Variants in UBR4 observed in about 807,000 individuals in gnomAD.
UBR4 encodes the protein ubiquitin protein ligase E3 component n-recognin 4.
A neutral mutation model predicts 575.6 loss-of-function variants in UBR4; 124 were observed. The ratio of observed to expected loss-of-function variants is 0.22; its 90% CI spans 0.19 to 0.25. The LOEUF (loss-of-function observed/expected upper bound fraction) is 0.25. Among genes scored for constraint, UBR4 ranks in the 10% least tolerant of loss-of-function variants. The pLI, the probability that UBR4 is intolerant of heterozygous loss-of-function variation, is 1.00. For missense variants in UBR4, 4,818 were observed against 6,478.8 expected (o/e 0.74, Z 8.80); for synonymous variants, 2,455 against 2,473.7 (o/e 0.99, Z 0.22).
intron 71 of UBR4, chr1:19,118,456 G>A (rs1570697469): frequency 7.4e-6 from 1 of 134,636 alleles, no homozygotes; most frequent in Admixed American, 9.0e-5. Flanking sequence ...GTCTCACTCT[G>A]TCACCCAGGC....
intron 31 of UBR4, 61 bp from the exon 32 acceptor site, chr1:19,165,058 G>T (rs1220684190): frequency 1.3e-6 from 2 of 1,588,762 alleles, no homozygotes; most frequent in Non-Finnish European, 1.7e-6. Context: ...GAAAGAAGGG[G>T]CAAACTGTTG....
intron 49 of UBR4, among the ~76,000 whole-genome samples, chr1:19,150,000 T>C (rs1159674606): frequency 6.6e-6 from 1 of 152,022 alleles, no homozygotes; most frequent in African/African-American, 2.4e-5. Flanking sequence ...ACTCAAAATC[T>C]TACATCATGA....
intron 22 of UBR4, 118 bp downstream of exon 22, chr1:19,174,201 C>CAA: frequency 7.8e-7 from 1 of 1,278,252 alleles, no homozygotes; most frequent in Non-Finnish European, 1.1e-6. Flanking sequence ...ACTCAAGTAT[C>CAA]AGTCAGTTTT....
chr1:19,086,154 C>T lies in UBR4; in HGVS notation c.14804G>A (p.Cys4935Tyr), dbSNP rs200556821. The T allele has an allele frequency of 6.2e-7, 1 of 1,613,930 alleles. No homozygotes were observed. Among genetic ancestry groups the T allele is most frequent in the Non-Finnish European group, 8.5e-7 (1 of 1,179,978 alleles). ...AATACTCAACACTCACCTTGCCAAG[C>T]AAGTGGCAAAAGCTGATTCAGGGAC... ...PHVPESAFAT[C>Y]LARHNTYLQE... is the part of the protein sequence containing the mutation. The change falls in exon 101 of 106, where the codon TGC (cysteine) becomes TAC (tyrosine). Residue 4935 changes from cysteine to tyrosine, a missense_variant. Cys to Tyr is a radical substitution (Grantham distance 194). Coordinates refer to ENST00000375254, the MANE Select transcript of UBR4 (RefSeq NM_020765.3).
rs1298082724 is a variant in UBR4 at position 19,087,873 on chromosome 1, C to G, written c.14487G>C (p.Glu4829Asp). ...ACGTGAGGCCAGGCTCCTCGATCAG[C>G]TCTTCCATCTGCTTCAGGAGTGCTG... ...TKTALLKQME[E>D]LIEEPGLTCC... Residue 4829 changes from glutamate (E) to aspartate (D), a missense_variant, in exon 99 of 106, where the codon GAG becomes GAC. Glu to Asp is a conservative substitution (Grantham distance 45). Coordinates refer to ENST00000375254, the MANE Select transcript of UBR4 (RefSeq NM_020765.3). The G allele has an allele frequency of 6.2e-7, 1 of 1,611,372 alleles. No homozygotes were observed. The highest frequency in any genetic ancestry group is 8.5e-7 in the Non-Finnish European group (1 of 1,178,596).
chr1:19,139,377 A>G lies in UBR4; in HGVS notation c.8594-157T>C, dbSNP rs1481598714. The stretch of plus-strand genomic sequence containing the variant: ...TATCCTGTCGTCAAAGAAAAAAGGG[A>G]GAGATTTGCTTTGCTGGTTAATCAC... On this transcript the variant is annotated intron_variant, in intron 58 of 105. Transcript: ENST00000375254. This position sits in a 1 kb window ranked among gnomAD's most constrained non-coding sequence, Gnocchi z 4.2. Among the ~76,000 whole-genome samples, 2 of 152,224 alleles carry G rather than the reference A, an allele frequency of 1.3e-5. No homozygotes were observed. The highest frequency in any genetic ancestry group is 2.9e-5 in the Non-Finnish European group (2 of 68,038).
chr1:19,116,573 T>C (rs1346973903), intron 73 of UBR4, among the ~76,000 whole-genome samples: 1 of 152,244 alleles, frequency 6.6e-6, no homozygotes, highest in African/African-American at 2.4e-5. Context: ...AGTCTTACTA[T>C]TCAAGTAGTG....
intron 65 of UBR4, among the ~76,000 whole-genome samples, chr1:19,123,795 T>C (rs923980804): frequency 9.2e-5 from 14 of 152,236 alleles, no homozygotes; most frequent in African/African-American, 3.4e-4. Flanking sequence ...AGATTATTCT[T>C]CCCAGAGTTA....
chr1:19,168,180 T>G lies in UBR4; in HGVS notation c.3746A>C (p.Asn1249Thr), dbSNP rs763860407. The change falls in exon 28 of 106, where the codon AAT becomes ACT. Residue 1249 changes from asparagine (N) to threonine (T), a missense_variant. Physicochemically the swap from Asn to Thr is moderately conservative, Grantham distance 65 (BLOSUM62 0). This residue lies in a region of UBR4 where 1,172 missense variants were observed against 1,259.7 expected (regional missense o/e 0.93). Transcript: ENST00000375254. ...NEFPNIGSWR[N>T]AFANDTIPSE... Reference sequence around the variant, plus strand: ...AGGGATGGTGTCATTGGCAAAGGCATTGCGCTGAAAGGAAGCAAAGCAGAT... The same window carrying G: ...AGGGATGGTGTCATTGGCAAAGGCAGTGCGCTGAAAGGAAGCAAAGCAGAT... The G allele has an allele frequency of 1.3e-5, 21 of 1,580,196 alleles. No individual in the cohort carries two copies. In the Admixed American group the frequency reaches 3.1e-4, roughly 23 times the overall value.
Position 19,088,723 on chromosome 1 carries a change from G to T in UBR4, c.14430+36C>A. On this transcript the variant is annotated intron_variant, in intron 98 of 105. Coordinates refer to ENST00000375254, the MANE Select transcript of UBR4 (RefSeq NM_020765.3). This position sits in a 1 kb window ranked among gnomAD's most constrained non-coding sequence, Gnocchi z 4.0. ...ATGGCCACCTCCTCATCAACAGTGTGGGCAGAAATATGGGGACTCTAGGTG... is the reference window on the plus strand; with the variant it reads ...ATGGCCACCTCCTCATCAACAGTGTTGGCAGAAATATGGGGACTCTAGGTG... 6.2e-7 allele frequency: 1 copy of T among 1,605,966 alleles called. No homozygotes were observed. The highest frequency in any genetic ancestry group is 8.5e-7 in the Non-Finnish European group (1 of 1,174,602).
rs1268950219 is a variant in UBR4, at chr1:19,161,910, T to C, written c.4957-13A>G. 1.2e-6 allele frequency: 2 copies of C among 1,613,846 alleles called. No homozygotes were observed. The highest frequency in any genetic ancestry group is 1.7e-5 in the Admixed American group (1 of 60,002). The stretch of plus-strand genomic sequence containing the variant: ...GAGAATCTTCATCCTTCAAAAATAA[T>C]AAGTCTTTTTAATTCGAAATATATC... On this transcript the variant is annotated splice_polypyrimidine_tract_variant and intron_variant, in intron 35 of 105. Coordinates refer to ENST00000375254, the MANE Select transcript of UBR4 (RefSeq NM_020765.3).
rs1164361077 is a variant in UBR4 at position 19,093,602 on chromosome 1, C to T, written c.13938-116G>A. 20 of 1,186,084 alleles carry T rather than the reference C, an allele frequency of 1.7e-5. No homozygotes were observed. Among genetic ancestry groups the T allele is most frequent in the African/African-American group, 1.5e-4 (10 of 65,006 alleles). The allele number at this position is 1,186,084 out of a possible 1,614,324, so 73.5% of individuals were successfully genotyped here. A position where few individuals can be genotyped will look rare whatever the true frequency, so the allele number is the denominator to read the frequency against. ...AGAAGATCAAGGCTAAATTCCCTAA[C>T]GTGACACAAAGACCTATCTGCCCCG... On this transcript the variant is annotated intron_variant, in intron 95 of 105. Coordinates refer to ENST00000375254, the MANE Select transcript of UBR4 (RefSeq NM_020765.3). This position sits in a 1 kb window ranked among gnomAD's most constrained non-coding sequence, Gnocchi z 4.8.
intron 60 of UBR4, among the ~76,000 whole-genome samples, chr1:19,135,045 C>A (rs976288008): frequency 1.3e-5 from 2 of 152,092 alleles, no homozygotes; most frequent in African/African-American, 4.8e-5. Context: ...CTTTTAAAGG[C>A]AATAAAATGT....
In UBR4 at chr1:19,150,661, C is replaced by A; in HGVS notation, c.7346G>T (p.Cys2449Phe). 1 of 1,614,066 alleles carries A rather than the reference C, an allele frequency of 6.2e-7. No homozygotes were observed. Among genetic ancestry groups the A allele is most frequent in the Non-Finnish European group, 8.5e-7 (1 of 1,180,008 alleles). Residue 2449 changes from cysteine to phenylalanine, a missense_variant, in exon 49 of 106, where the codon TGC becomes TTC. Physicochemically the swap from Cys to Phe is radical, Grantham distance 205. This residue lies in a region of UBR4 where 340 missense variants were observed against 375.4 expected (regional missense o/e 0.91). Coordinates refer to ENST00000375254, the MANE Select transcript of UBR4 (RefSeq NM_020765.3). Reference sequence around the variant, plus strand: ...GTTGCTCTGGTTCAGATTTGAAGGGCAGATGTTGCTGACAGAGGCAGAAGG... The same window carrying A: ...GTTGCTCTGGTTCAGATTTGAAGGGAAGATGTTGCTGACAGAGGCAGAAGG... ...EFPSASVSNI[C>F]PSNLNQSNGT...
At chr1:19,084,424 T>A in intron 102 of UBR4, 80 bp downstream of exon 102, 1 of 1,443,788 alleles carries the variant, frequency 6.9e-7, no homozygotes, top group Non-Finnish European at 9.4e-7. Flanking sequence ...TGAGAGGCTA[T>A]GAAAAAGCTG....
chr1:19,155,289 G>A, intron 43 of UBR4, 152 bp downstream of exon 43: 3 of 1,034,064 alleles, frequency 2.9e-6, no homozygotes, highest in South Asian at 1.7e-5. Flanking sequence ...CTATTAGGTA[G>A]AAAGTTAGAT....
chr1:19,081,250 C>T (rs2076474794), intron 103 of UBR4, 99 bp downstream of exon 103: 2 of 1,088,012 alleles, frequency 1.8e-6, no homozygotes, highest in African/African-American at 1.6e-5. Context: ...ACCGCAGTCA[C>T]AAAGCATGCC....
In UBR4 at chr1:19,184,072, T is replaced by C; in HGVS notation, c.2042A>G (p.His681Arg). 1 of 1,614,132 alleles carries C rather than the reference T, an allele frequency of 6.2e-7. No homozygotes were observed. The highest frequency in any genetic ancestry group is 1.1e-5 in the South Asian group (1 of 91,078). Residue 681 changes from histidine to arginine, a missense_variant, in exon 16 of 106, where the codon CAC becomes CGC. Physicochemically the swap from His to Arg is conservative, Grantham distance 29. Transcript: ENST00000375254. ...RNYLSVSLSE[H>R]HMATLASIIK... Reference sequence around the variant, plus strand: ...GATACTGGCTAGGGTGGCCATATGGTGTTCTGAAAGAGATACACTCAGATA... The same window carrying C: ...GATACTGGCTAGGGTGGCCATATGGCGTTCTGAAAGAGATACACTCAGATA...
chr1:19,106,880 G>C lies in UBR4; in HGVS notation c.12192C>G (p.Pro4064=), dbSNP rs774758990. 4 of 1,613,862 alleles carry C rather than the reference G, an allele frequency of 2.5e-6. No homozygotes were observed. Among genetic ancestry groups the C allele is most frequent in the Non-Finnish European group, 3.4e-6 (4 of 1,180,000 alleles). ...AQAQLWLKRD[P]KASYDAWKKC... Reference sequence around the variant, plus strand: ...TCTTCCAGGCATCATAGGATGCCTTGGGGTCTCTCTTGAGCCACAGTTGAG... The same window carrying C: ...TCTTCCAGGCATCATAGGATGCCTTCGGGTCTCTCTTGAGCCACAGTTGAG... Residue 4064 remains proline, a synonymous_variant, in exon 82 of 106, where the codon CCC becomes CCG. Transcript: ENST00000375254.
Sources: gnomAD v4.1 joint callset for allele counts (sites outside exome capture counted in the v4.1 genomes callset) on GRCh38, gnomAD v4.1.1 for gene constraint, gnomAD v4.1.1 regional missense constraint, Gnocchi (gnomAD v3.1) non-coding constraint, MANE v1.5 for transcripts, NCBI Gene and HGNC (gene_info 2026-07-23, HGNC 2026-07-21) for gene names.